CTNNA1: variants seen among roughly 807,000 people sequenced by gnomAD.
CTNNA1 encodes the protein catenin alpha-1.
A neutral mutation model predicts 98.4 loss-of-function variants in CTNNA1; 37 were observed. That is an observed-to-expected ratio of 0.38 (90% confidence interval 0.29 to 0.49). The LOEUF is 0.49. Among genes scored for constraint, CTNNA1 ranks in the 20% least tolerant of loss-of-function variants. CTNNA1 has a pLI of 0.95. For missense variants in CTNNA1, 761 were observed against 1,147.2 expected, an observed-to-expected ratio of 0.66 and a Z score of 4.86; for synonymous variants, 404 against 413.2, an observed-to-expected ratio of 0.98 and a Z score of 0.27.
At chr5:138,823,244 G>A (rs1199296591) in intron 5 of CTNNA1, among the ~76,000 whole-genome samples, 2 of 152,022 alleles carry the variant, frequency 1.3e-5, no homozygotes, top group Non-Finnish European at 2.9e-5. Context: ...TTCCCATCTT[G>A]TGTATTTTTG....
At chr5:138,891,482 C>T (rs933674385) in intron 9 of CTNNA1, among the ~76,000 whole-genome samples, 38 of 152,136 alleles carry the variant, frequency 2.5e-4, no homozygotes, top group South Asian at 4.1e-4. Context: ...GATTAATGGC[C>T]GGGCACTGTG....
rs1581178626 is a variant in CTNNA1 at position 138,827,678 on chromosome 5, G to A, written c.1022G>A (p.Arg341His). ...ERIVAECNAV[R>H]QALQDLLSEY... ...ATTGTGGCAGAGTGTAATGCTGTCCGCCAGGCCCTGCAGGACCTGCTTTCG... is the reference window on the plus strand; with the variant it reads ...ATTGTGGCAGAGTGTAATGCTGTCCACCAGGCCCTGCAGGACCTGCTTTCG... The change falls in exon 7 of 18, where the codon CGC (arginine) becomes CAC (histidine). Residue 341 changes from arginine to histidine, a missense_variant. Around this residue, in one of 6 missense-constraint regions of CTNNA1, gnomAD observed 287 missense variants for 436.0 expected, o/e 0.66. Coordinates refer to ENST00000302763, the MANE Select transcript of CTNNA1 (RefSeq NM_001903.5). The A allele has an allele frequency of 1.9e-6, 3 of 1,614,176 alleles. No individual in the cohort carries two copies. The highest frequency in any genetic ancestry group is 8.5e-7 in the Non-Finnish European group (1 of 1,180,028).
At chr5:138,803,438 G>C (rs1757773871) in intron 3 of CTNNA1, among the ~76,000 whole-genome samples, 1 of 152,166 alleles carries the variant, frequency 6.6e-6, no homozygotes, top group Non-Finnish European at 1.5e-5. Context: ...TCACAGATGT[G>C]AGCCACCGTG....
At chr5:138,854,750 C>G (rs113723612) in intron 7 of CTNNA1, among the ~76,000 whole-genome samples, 21 of 152,176 alleles carry the variant, frequency 1.4e-4, no homozygotes, top group Non-Finnish European at 2.6e-4. Flanking sequence ...CCCTTATTCT[C>G]TGTAGACACT....
At chr5:138,813,798 T>C (rs115814555) in intron 5 of CTNNA1, among the ~76,000 whole-genome samples, 1 of 152,222 alleles carries the variant, frequency 6.6e-6, no homozygotes, top group African/African-American at 2.4e-5. Flanking sequence ...TTTGTACTTT[T>C]TGTAGATACA....
intron 1 of CTNNA1, among the ~76,000 whole-genome samples, chr5:138,776,655 C>G (rs1271280829): frequency 6.6e-6 from 1 of 150,600 alleles, no homozygotes; most frequent in Non-Finnish European, 1.5e-5. Flanking sequence ...CCGGACGGGG[C>G]GGCTGGCCGG....
At chr5:138,801,826 T>C (rs1157340852) in intron 3 of CTNNA1, among the ~76,000 whole-genome samples, 1 of 152,180 alleles carries the variant, frequency 6.6e-6, no homozygotes, top group Non-Finnish European at 1.5e-5. Context: ...GGAATTGAAA[T>C]TTGATTAGAA....
intron 3 of CTNNA1, chr5:138,790,815 G>A (rs1157763383): frequency 6.6e-6 from 1 of 152,182 alleles, no homozygotes; most frequent in Non-Finnish European, 1.5e-5. Flanking sequence ...ATTGATTGTA[G>A]CTAAGTCTAG....
At position 138,871,550 on chromosome 5, in the gene CTNNA1, C is replaced by T. The variant is rs144404597; in HGVS notation, c.1063-14662C>T. On this transcript the variant is annotated intron_variant, in intron 7 of 17. Transcript: ENST00000302763. ...TATTTACATTGGAGGATCTACCCCT[C>T]TTCCCTTTTCAGCAGCAGGTCCTTT... 4 of 152,350 alleles carry T rather than the reference C, an allele frequency of 2.6e-5. No homozygotes were observed. The East Asian group carries it at 7.7e-4, about 29-fold the overall frequency. The allele number at this position is 152,350 out of a possible 1,614,324, so 9.4% of individuals were successfully genotyped here.
intron 11 of CTNNA1, among the ~76,000 whole-genome samples, chr5:138,924,190 C>T (rs1373082174): frequency 6.6e-6 from 1 of 151,848 alleles, no homozygotes. Flanking sequence ...ATTGATGCTT[C>T]TATGATAATT....
chr5:138,904,108 G>A (rs1758653932), intron 9 of CTNNA1, among the ~76,000 whole-genome samples: 1 of 152,210 alleles, frequency 6.6e-6, no homozygotes, highest in Non-Finnish European at 1.5e-5. Context: ...ACAGGCCCTG[G>A]GATCTTTCAA....
At chr5:138,789,707 C>T (rs991708386) in intron 3 of CTNNA1, among the ~76,000 whole-genome samples, 4 of 152,262 alleles carry the variant, frequency 2.6e-5, no homozygotes, top group African/African-American at 9.6e-5. Context: ...TCACCCACCT[C>T]GGCCTCCTAA....
At chr5:138,877,013 G>A (rs554089845) in intron 7 of CTNNA1, among the ~76,000 whole-genome samples, 3 of 152,354 alleles carry the variant, frequency 2.0e-5, no homozygotes, top group Admixed American at 1.3e-4. Flanking sequence ...GACAGAGGAA[G>A]CAAAGAAGAT....
At chr5:138,931,643 G>T in intron 16 of CTNNA1, 1 of 985,436 alleles carries the variant, frequency 1.0e-6, no homozygotes, top group Non-Finnish European at 1.2e-6. Flanking sequence ...CCTTTCTGCA[G>T]ATCTCCATAG....
chr5:138,796,838 ATCTCTTT>A (rs752505899), intron 3 of CTNNA1, among the ~76,000 whole-genome samples: 70 of 152,220 alleles, frequency 4.6e-4, no homozygotes, highest in Admixed American at 1.0e-3. Flanking sequence ...TGTCTTTAAA[ATCTCTTT>A]TCTCTTTTGG....
intron 3 of CTNNA1, among the ~76,000 whole-genome samples, chr5:138,791,615 C>CAAAA (rs1181055311): frequency 0.078 from 3,135 of 40,178 alleles, 730 homozygotes; most frequent in Middle Eastern, 0.13. Context: ...GACTCCGTCT[C>CAAAA]AAAAAAAAAA....
intron 9 of CTNNA1, among the ~76,000 whole-genome samples, chr5:138,900,918 A>G (rs1581588888): frequency 6.6e-6 from 1 of 152,214 alleles, no homozygotes; most frequent in Non-Finnish European, 1.5e-5. Flanking sequence ...CCTGATCTCA[A>G]ACTAGTGGTT....
rs537861449 is a variant in CTNNA1, at chr5:138,772,249, A to G, written c.-2-9674A>G. Among the ~76,000 whole-genome samples, 1,146 of 152,360 alleles carry G rather than the reference A, an allele frequency of 7.5e-3. 7 individuals are homozygous for G. The highest frequency in any genetic ancestry group is 0.011 in the Non-Finnish European group (755 of 68,028). ...TATAGCAAACTTTTGCTTTATAGCC[A>G]GGATTACCATTTATAAGGTAATGAA... On this transcript the variant is annotated intron_variant, in intron 1 of 17. Transcript: ENST00000302763.
chr5:138,827,931 C>T lies in CTNNA1; in HGVS notation c.1062+213C>T, dbSNP rs191447170. On this transcript the variant is annotated intron_variant, in intron 7 of 17. Coordinates refer to ENST00000302763, the MANE Select transcript of CTNNA1 (RefSeq NM_001903.5). ...TGAGAAATTTTCAACTTATAAAAAT[C>T]ATACAGTGAATACCTAGGAAATTTA... The T allele has an allele frequency of 2.4e-5, 14 of 571,910 alleles. No homozygotes were observed. In the East Asian group the frequency reaches 4.0e-4, roughly 16 times the overall value. The allele number at this position is 571,910 out of a possible 1,614,324, so 35.4% of individuals were successfully genotyped here. A position where few individuals can be genotyped will look rare whatever the true frequency, so the allele number is the denominator to read the frequency against.
Sources: allele counts gnomAD v4.1 joint callset (sites outside exome capture counted in the v4.1 genomes callset), GRCh38; gene constraint gnomAD v4.1.1; regional missense constraint gnomAD v4.1.1; transcripts MANE v1.5; gene names NCBI Gene and HGNC (gene_info 2026-07-23, HGNC 2026-07-21).